E2F5: variants seen among roughly 807,000 people sequenced by gnomAD.
E2F5 encodes E2F transcription factor 5.
E2F5 carries 23 observed loss-of-function variants against 39.1 expected under a neutral mutation model. The observed-to-expected ratio is 0.59, with a 90% CI of 0.42 to 0.83. E2F5 has a LOEUF of 0.83. E2F5 is among the 40% of genes least tolerant of loss of function. E2F5 has a pLI of 0.00. For synonymous variants in E2F5, 145 were observed against 157.8 expected (o/e 0.92, Z 0.61); for missense variants, 365 against 406.7 (o/e 0.90, Z 0.88).
At chr8:85,180,544 A>G in intron 1 of E2F5, among the ~76,000 whole-genome samples, 1 of 29,434 alleles carries the variant, frequency 3.4e-5, no homozygotes, top group South Asian at 8.8e-4. Flanking sequence ...ATATATATAT[A>G]TATATATATA....
At chr8:85,203,610 C>T (rs1261096580) in intron 3 of E2F5, among the ~76,000 whole-genome samples, 3 of 151,430 alleles carry the variant, frequency 2.0e-5, no homozygotes, top group African/African-American at 7.3e-5. Flanking sequence ...TAATTATGTT[C>T]AGTGTTCTGA....
chr8:85,206,206 G>C lies in E2F5; in HGVS notation c.536G>C (p.Cys179Ser), dbSNP rs768842395. Residue 179 changes from cysteine (C) to serine (S), a missense_variant, in exon 4 of 8, where the codon TGT (cysteine) becomes TCT (serine). Coordinates refer to ENST00000416274, the MANE Select transcript of E2F5 (RefSeq NM_001951.4). The part of the protein sequence containing the change: ...RFSYVTHEDI[C>S]NCFNGDTLLA... Reference sequence around the variant, plus strand: ...TCCTATGTAACTCATGAAGACATCTGTAATTGCTTTAATGGTAAGTACCAT... The same window carrying C: ...TCCTATGTAACTCATGAAGACATCTCTAATTGCTTTAATGGTAAGTACCAT... The C allele has an allele frequency of 6.2e-7, 1 of 1,613,174 alleles. No homozygotes were observed. Among genetic ancestry groups the C allele is most frequent in the Non-Finnish European group, 8.5e-7 (1 of 1,179,582 alleles).
chr8:85,179,457 C>T (rs1812152653), intron 1 of E2F5, among the ~76,000 whole-genome samples: 1 of 152,052 alleles, frequency 6.6e-6, no homozygotes, highest in Non-Finnish European at 1.5e-5. Context: ...TATTTCATGA[C>T]AATAATTGCT....
intron 6 of E2F5, among the ~76,000 whole-genome samples, chr8:85,211,671 T>TG (rs1812926700): frequency 7.0e-6 from 1 of 143,070 alleles, no homozygotes; most frequent in Non-Finnish European, 1.5e-5. Context: ...TTTTTTTTTT[T>TG]GGCAGGGTCT....
chr8:85,187,359 C>T (rs190500430), intron 1 of E2F5, among the ~76,000 whole-genome samples: 23 of 152,174 alleles, frequency 1.5e-4, no homozygotes, highest in African/African-American at 4.6e-4. Context: ...ACTGTCTCTA[C>T]GTTCTGTCCA....
intron 6 of E2F5, among the ~76,000 whole-genome samples, chr8:85,211,659 T>G (rs1398834006): frequency 4.3e-5 from 6 of 140,542 alleles, no homozygotes; most frequent in African/African-American, 1.3e-4. Context: ...TTTTTTTTTT[T>G]TTTTTTTTTT....
chr8:85,177,254 A>T lies in E2F5; in HGVS notation c.-167A>T. 1 of 487,482 alleles carries T rather than the reference A, an allele frequency of 2.1e-6. No individual in the cohort carries two copies. The highest frequency in any genetic ancestry group is 2.7e-6 in the Non-Finnish European group (1 of 375,344). 30.2% of individuals were successfully genotyped at this position (487,482 alleles called of 1,614,324 possible). On this transcript the variant is annotated 5_prime_UTR_variant, in exon 1 of 8. Transcript: ENST00000416274. Reference sequence around the variant, plus strand: ...AGGCCCGGCGTGACAAGCGGCCCAGACTCCCGTGGGCGCCGCACACCTGTT... The same window carrying T: ...AGGCCCGGCGTGACAAGCGGCCCAGTCTCCCGTGGGCGCCGCACACCTGTT...
chr8:85,209,427 C>A lies in E2F5; in HGVS notation c.883+18C>A. The A allele has an allele frequency of 6.3e-7, 1 of 1,575,652 alleles. No homozygotes were observed. The highest frequency in any genetic ancestry group is 8.6e-7 in the Non-Finnish European group (1 of 1,160,448). ...ATCTTCAGGTGGGTTCAGAGCCTTT[C>A]TTTTGTAAATTAGAGAGGGAGAAAT... On this transcript the variant is annotated intron_variant, in intron 6 of 7. Transcript: ENST00000416274.
intron 1 of E2F5, among the ~76,000 whole-genome samples, chr8:85,182,450 A>G (rs934289582): frequency 6.6e-6 from 1 of 152,206 alleles, no homozygotes; most frequent in Non-Finnish European, 1.5e-5. Flanking sequence ...TCTCTATGTT[A>G]TACCATCTTT....
chr8:85,200,740 G>A (rs1291551317), intron 1 of E2F5, among the ~76,000 whole-genome samples: 4 of 152,150 alleles, frequency 2.6e-5, no homozygotes, highest in South Asian at 2.1e-4. Flanking sequence ...AAACAGCCTC[G>A]AAGTCAAGAG....
chr8:85,189,358 G>C (rs1381491969), intron 1 of E2F5, among the ~76,000 whole-genome samples: 1 of 151,930 alleles, frequency 6.6e-6, no homozygotes, highest in Non-Finnish European at 1.5e-5. Context: ...AATGTTTATT[G>C]TTCCTACTTA....
intron 4 of E2F5, 53 bp from the exon 5 acceptor site, chr8:85,207,372 T>C: frequency 2.7e-6 from 4 of 1,470,412 alleles, no homozygotes; most frequent in Non-Finnish European, 3.7e-6. Context: ...CTTGCCACTG[T>C]ATTCCATGAT....
chr8:85,207,035 A>AT (rs2129742211), intron 4 of E2F5, among the ~76,000 whole-genome samples: 1 of 152,298 alleles, frequency 6.6e-6, no homozygotes, highest in Admixed American at 6.5e-5. Flanking sequence ...AAATAATAAA[A>AT]TCATTTAAGC....
chr8:85,177,288 C>A lies in E2F5; in HGVS notation c.-133C>A. 2.6e-6 allele frequency: 2 copies of A among 765,084 alleles called. No individual in the cohort carries two copies. The highest frequency in any genetic ancestry group is 3.2e-6 in the Non-Finnish European group (2 of 628,422). 47.4% of individuals were successfully genotyped at this position (765,084 alleles called of 1,614,324 possible). On this transcript the variant is annotated 5_prime_UTR_variant, in exon 1 of 8. Coordinates refer to ENST00000416274, the MANE Select transcript of E2F5 (RefSeq NM_001951.4). ...GGCGCCGCACACCTGTTGTTTGCAG[C>A]AGCCAGCGACCCGCACTACCGCTCT...
At chr8:85,192,966 GTTT>G (rs1184792238) in intron 1 of E2F5, among the ~76,000 whole-genome samples, 1 of 152,116 alleles carries the variant, frequency 6.6e-6, no homozygotes, top group Non-Finnish European at 1.5e-5. Context: ...ATCAAAATGA[GTTT>G]TTATTTTTAA....
In E2F5 at chr8:85,204,351, A is replaced by G. The variant is rs141658246; in HGVS notation, c.506+1096A>G. ...AGGAGAGACTGCCCATCCTGGGACT[A>G]GCCACTTCTTAGAAACAGCATGGGC... On this transcript the variant is annotated intron_variant, in intron 3 of 7. Transcript: ENST00000416274. Among the ~76,000 whole-genome samples, 410 of 152,200 alleles carry G rather than the reference A, an allele frequency of 2.7e-3. 3 individuals carry two copies. Among genetic ancestry groups the G allele is most frequent in the African/African-American group, 9.2e-3 (384 of 41,540 alleles).
chr8:85,214,220 GTCT>G lies in E2F5; in HGVS notation c.*360_*362del, dbSNP rs1260507023. The G allele has an allele frequency of 5.5e-6, 3 of 541,116 alleles. No individual in the cohort carries two copies. The African/African-American group carries it at 5.6e-5, about 10-fold the overall frequency. 33.5% of individuals were successfully genotyped at this position (541,116 alleles called of 1,614,324 possible). On this transcript the variant is annotated 3_prime_UTR_variant, in exon 8 of 8. Coordinates refer to ENST00000416274, the MANE Select transcript of E2F5 (RefSeq NM_001951.4). ...CAAGTTGGCCAAGGACTCATTACTT[GTCT>G]TATATTTTTACTGCCACTAAACTGC...
chr8:85,213,976 C>A lies in E2F5; in HGVS notation c.*114C>A. On this transcript the variant is annotated 3_prime_UTR_variant, in exon 8 of 8. Transcript: ENST00000416274. Reference sequence around the variant, plus strand: ...TAACACCTTTTTTAGTTCACTGATTCTGAAGTGTTCTTCCCTAATACTTTC... The same window carrying A: ...TAACACCTTTTTTAGTTCACTGATTATGAAGTGTTCTTCCCTAATACTTTC... The A allele has an allele frequency of 1.5e-6, 1 of 651,796 alleles. No homozygotes were observed. Among genetic ancestry groups the A allele is most frequent in the Non-Finnish European group, 2.6e-6 (1 of 377,930 alleles). 40.4% of individuals were successfully genotyped at this position (651,796 alleles called of 1,614,324 possible). A position where few individuals can be genotyped will look rare whatever the true frequency, so the allele number is the denominator to read the frequency against.
intron 1 of E2F5, among the ~76,000 whole-genome samples, chr8:85,190,115 G>A (rs1271226048): frequency 2.6e-5 from 4 of 152,116 alleles, no homozygotes; most frequent in Non-Finnish European, 5.9e-5. Context: ...CCTCGTCTAT[G>A]CACTCCCTCT....
Sources: gnomAD v4.1 joint callset for allele counts (sites outside exome capture counted in the v4.1 genomes callset) on GRCh38, gnomAD v4.1.1 for gene constraint, MANE v1.5 for transcripts, NCBI Gene and HGNC (gene_info 2026-07-23, HGNC 2026-07-21) for gene names.